Variants in GBE1 observed in about 807,000 individuals in gnomAD.
GBE1 encodes 1,4-alpha-glucan branching enzyme 1.
Under a neutral mutation model 88.8 loss-of-function variants are expected in GBE1, and 70 were observed. The ratio of observed to expected loss-of-function variants is 0.79; its 90% CI spans 0.65 to 0.96. The LOEUF is 0.96. Among genes scored for constraint, GBE1 ranks in the 40% least tolerant of loss-of-function variants. The probability of loss-of-function intolerance (pLI) is 0.00; values close to 1 mark genes in which losing one functional copy is unlikely to be tolerated. For synonymous variants in GBE1, 284 were observed against 300.1 expected, an observed-to-expected ratio of 0.95 and a Z score of 0.56; for missense variants, 872 against 871.0, an observed-to-expected ratio of 1.00 and a Z score of -0.01.
intron 1 of GBE1, among the ~76,000 whole-genome samples, chr3:81,750,529 ATATATATACG>A (rs1424775986): frequency 3.2e-4 from 26 of 80,510 alleles, no homozygotes; most frequent in East Asian, 1.3e-3. Flanking sequence ...ACATTCATAT[ATATATATACG>A]TATATATATA....
chr3:81,749,962 T>C (rs1706472862), intron 1 of GBE1, among the ~76,000 whole-genome samples: 1 of 152,192 alleles, frequency 6.6e-6, no homozygotes, highest in African/African-American at 2.4e-5. Flanking sequence ...TATTTGTGAG[T>C]AGAGGTTTGC....
chr3:81,539,546 T>TTGAA (rs1286761251), intron 12 of GBE1, among the ~76,000 whole-genome samples: 1 of 151,878 alleles, frequency 6.6e-6, no homozygotes, highest in East Asian at 1.9e-4. Flanking sequence ...TCAGGGAAAG[T>TTGAA]TGAATGATAG....
chr3:81,496,976 C>T (rs75024189), intron 15 of GBE1, among the ~76,000 whole-genome samples: 62 of 152,280 alleles, frequency 4.1e-4, no homozygotes, highest in African/African-American at 1.4e-3. Flanking sequence ...TTGCAGGCAG[C>T]ATTCAGCTCT....
chr3:81,682,446 A>T (rs952304720), intron 2 of GBE1, among the ~76,000 whole-genome samples: 1 of 152,166 alleles, frequency 6.6e-6, no homozygotes, highest in African/African-American at 2.4e-5. Context: ...TGGGTGGTAG[A>T]GCAAGGCTCT....
intron 14 of GBE1, among the ~76,000 whole-genome samples, chr3:81,517,422 A>C (rs1202172226): frequency 1.3e-5 from 2 of 151,488 alleles, no homozygotes; most frequent in African/African-American, 4.8e-5. Context: ...GAACCAAAAA[A>C]TTTGTGTGAC....
intron 2 of GBE1, among the ~76,000 whole-genome samples, chr3:81,678,205 A>C (rs888613186): frequency 6.6e-6 from 1 of 152,220 alleles, no homozygotes; most frequent in African/African-American, 2.4e-5. Context: ...ATTGTAATGA[A>C]TACTGTAAGC....
chr3:81,502,059 G>T (rs1702593669), intron 14 of GBE1, among the ~76,000 whole-genome samples: 1 of 147,100 alleles, frequency 6.8e-6, no homozygotes, highest in African/African-American at 2.5e-5. Flanking sequence ...CTCTGACACA[G>T]AATTAAATAA....
At chr3:81,688,824 G>A (rs1705478858) in intron 2 of GBE1, among the ~76,000 whole-genome samples, 1 of 151,078 alleles carries the variant, frequency 6.6e-6, no homozygotes, top group Admixed American at 6.6e-5. Context: ...TGTCCTAAAT[G>A]CCAAAAATAT....
chr3:81,742,621 C>T (rs1023107640), intron 1 of GBE1, among the ~76,000 whole-genome samples: 2 of 152,092 alleles, frequency 1.3e-5, no homozygotes, highest in Middle Eastern at 3.4e-3. Context: ...TGAATGAAGC[C>T]AGGAATGATA....
At chr3:81,537,840 C>T (rs774935862) in intron 12 of GBE1, among the ~76,000 whole-genome samples, 1 of 151,860 alleles carries the variant, frequency 6.6e-6, no homozygotes, top group African/African-American at 2.4e-5. Flanking sequence ...AGCTGAGACC[C>T]CTGGCTGGGG....
At chr3:81,561,104 C>T (rs964954958) in intron 12 of GBE1, among the ~76,000 whole-genome samples, 6 of 151,906 alleles carry the variant, frequency 3.9e-5, no homozygotes, top group African/African-American at 1.4e-4. Flanking sequence ...TTTTCAACTG[C>T]ACCTATCATT....
intron 1 of GBE1, among the ~76,000 whole-genome samples, chr3:81,726,802 G>C (rs545000195): frequency 6.6e-6 from 1 of 151,904 alleles, no homozygotes; most frequent in Non-Finnish European, 1.5e-5. Flanking sequence ...GGCTGGTCTC[G>C]GACTCCTGAC....
chr3:81,649,056 G>C, intron 4 of GBE1, 65 bp from the exon 5 acceptor site: 1 of 1,103,744 alleles, frequency 9.1e-7, no homozygotes, highest in Non-Finnish European at 1.3e-6. Flanking sequence ...ACCTGATCAA[G>C]TATATTTTTA....
chr3:81,570,512 G>C (rs1559648367), intron 12 of GBE1, among the ~76,000 whole-genome samples: 1 of 152,170 alleles, frequency 6.6e-6, no homozygotes, highest in Non-Finnish European at 1.5e-5. Context: ...GTTGCATAAA[G>C]TTACCACAGG....
At chr3:81,612,956 C>A in intron 7 of GBE1, 1 of 383,808 alleles carries the variant, frequency 2.6e-6, no homozygotes, top group South Asian at 2.4e-5. Context: ...ATGATGATGA[C>A]GATGATGACG....
At position 81,510,129 on chromosome 3, in the gene GBE1, A is replaced by C. The variant is rs144192613; in HGVS notation, c.1935-10902T>G. ...TCTATAAAAATGACTGAACTTAAGC[A>C]CAGAACATCAAAGGGGTTTGTCAAA... is the stretch of plus-strand genomic sequence containing the variant. On this transcript the variant is annotated intron_variant, in intron 14 of 15. Coordinates refer to ENST00000429644, the MANE Select transcript of GBE1 (RefSeq NM_000158.4). Among the ~76,000 whole-genome samples the C allele has an allele frequency of 5.8e-4, 89 of 152,248 alleles. 1 individual carries two copies. The highest frequency in any genetic ancestry group is 2.1e-3 in the African/African-American group (87 of 41,564).
At chr3:81,535,375 T>C (rs1460619608) in intron 13 of GBE1, 50 bp from the exon 14 acceptor site, 4 of 1,518,716 alleles carry the variant, frequency 2.6e-6, no homozygotes, top group Middle Eastern at 1.7e-4. Context: ...TAGATGCTGC[T>C]ACAAGTACAT....
In GBE1 at chr3:81,755,405, A is replaced by G. The variant is rs568949289; in HGVS notation, c.143+5970T>C. On this transcript the variant is annotated intron_variant, in intron 1 of 15. Transcript: ENST00000429644. Reference sequence around the variant, plus strand: ...ACCATAGCCACTTGGAAAAAAAAACAGTATAGAAGTTCCTCAAATAAGTTA... The same window carrying G: ...ACCATAGCCACTTGGAAAAAAAAACGGTATAGAAGTTCCTCAAATAAGTTA... 1.6e-4 allele frequency among the ~76,000 whole-genome samples: 24 copies of G among 152,238 alleles called. No homozygotes were observed. In the East Asian group the frequency reaches 4.6e-3, roughly 29 times the overall value.
intron 1 of GBE1, among the ~76,000 whole-genome samples, chr3:81,756,526 C>T (rs1706604144): frequency 6.6e-6 from 1 of 152,120 alleles, no homozygotes; most frequent in African/African-American, 2.4e-5. Context: ...ATAGTACCCA[C>T]TTATGAGAGC....
Sources: allele counts gnomAD v4.1 joint callset (sites outside exome capture counted in the v4.1 genomes callset), GRCh38; gene constraint gnomAD v4.1.1; transcripts MANE v1.5; gene names NCBI Gene and HGNC (gene_info 2026-07-23, HGNC 2026-07-21).